The following MEGF8 variants were observed in gnomAD, a reference collection of about 807,000 sequenced individuals.
The protein encoded by MEGF8 is multiple EGF like domains 8, also known as multiple epidermal growth factor-like domains protein 8.
In MEGF8, 156 loss-of-function variants were observed where a neutral mutation model predicts 302.9. The ratio of observed to expected loss-of-function variants is 0.52; its 90% CI spans 0.45 to 0.59. The LOEUF (loss-of-function observed/expected upper bound fraction) is 0.59, where lower values mean the gene tolerates loss of function less well. Among genes scored for constraint, MEGF8 ranks in the 20% least tolerant of loss-of-function variants. MEGF8 has a pLI of 0.00. For missense variants in MEGF8, 3,345 were observed against 3,964.5 expected, an observed-to-expected ratio of 0.84 and a Z score of 4.20; for synonymous variants, 1,621 against 1,660.5, an observed-to-expected ratio of 0.98 and a Z score of 0.58.
chr19:42,347,049 TCA>T (rs1228548894), intron 12 of MEGF8, among the ~76,000 whole-genome samples: 1 of 150,616 alleles, frequency 6.6e-6, no homozygotes, highest in East Asian at 1.9e-4. Flanking sequence ...ACAGTCTCTC[TCA>T]TTTACCCCAC....
At position 42,375,536 on chromosome 19, in the gene MEGF8, G is replaced by T; in HGVS notation, c.7299G>T (p.Gly2433=). ...QCAKCRESFH[G]SPLGGQQCYR... is the part of the protein sequence containing the mutation. ...CCAAGTGCCGGGAATCATTTCACGGGAGTCCGCTGGGCGGCCAGCAGTGCT... is the reference window on the plus strand; with the variant it reads ...CCAAGTGCCGGGAATCATTTCACGGTAGTCCGCTGGGCGGCCAGCAGTGCT... Residue 2433 remains glycine, a synonymous_variant, in exon 42 of 42, where the codon GGG becomes GGT. Coordinates refer to ENST00000251268, the MANE Select transcript of MEGF8 (RefSeq NM_001271938.2). The surrounding 1 kb of genome is among the most constrained non-coding windows in gnomAD (Gnocchi z 7.1). 1 of 1,590,644 alleles carries T rather than the reference G, an allele frequency of 6.3e-7. No individual in the cohort carries two copies. Among genetic ancestry groups the T allele is most frequent in the Non-Finnish European group, 8.6e-7 (1 of 1,169,506 alleles).
chr19:42,366,669 A>G (rs1279207618), intron 35 of MEGF8, among the ~76,000 whole-genome samples: 2 of 152,236 alleles, frequency 1.3e-5, no homozygotes, highest in African/African-American at 4.8e-5. Flanking sequence ...GAATGTCAGC[A>G]GATGAGCTAG....
chr19:42,348,030 G>A (rs2147470185), intron 12 of MEGF8, among the ~76,000 whole-genome samples: 1 of 152,308 alleles, frequency 6.6e-6, no homozygotes, highest in African/African-American at 2.4e-5. Context: ...ATGTGAGATG[G>A]AAATGGCTAG....
At chr19:42,374,968 G>C (rs1379735260) in intron 41 of MEGF8, among the ~76,000 whole-genome samples, 10 of 152,176 alleles carry the variant, frequency 6.6e-5, no homozygotes, top group Non-Finnish European at 1.5e-5. Context: ...CAGGCAGAGG[G>C]TCCGCCAGTG....
rs1354160342 is a variant in MEGF8 at position 42,332,567 on chromosome 19, C to T, written c.188-1038C>T. On this transcript the variant is annotated intron_variant, in intron 1 of 41. Transcript: ENST00000251268. ...ATTTTTAGTAGAGACGGGGTTTCGC[C>T]ATGTTGGCTAGGCTGGTCTCAAACT... Among the ~76,000 whole-genome samples the T allele has an allele frequency of 3.9e-5, 6 of 152,268 alleles. No individual in the cohort carries two copies. In the East Asian group the frequency reaches 1.2e-3, roughly 29 times the overall value.
Position 42,352,314 on chromosome 19 carries a change from G to A in MEGF8, c.3208G>A (p.Ala1070Thr), listed in dbSNP as rs772370974. 6 of 1,578,442 alleles carry A rather than the reference G, an allele frequency of 3.8e-6. No homozygotes were observed. Among genetic ancestry groups the A allele is most frequent in the African/African-American group, 2.7e-5 (2 of 74,310 alleles). ...GGCCCTCCCTGCCCGCTGGGCATACGCCCGCTGTCCTGACGTGGATGAGTG... is the reference window on the plus strand; with the variant it reads ...GGCCCTCCCTGCCCGCTGGGCATACACCCGCTGTCCTGACGTGGATGAGTG... ...PVALPARWAYARCPDVDECRL... is the reference protein window; with the variant it reads ...PVALPARWAYTRCPDVDECRL... The change falls in exon 19 of 42, where the codon GCC (alanine) becomes ACC (threonine). Residue 1070 changes from alanine to threonine, a missense_variant. Transcript: ENST00000251268. The surrounding 1 kb of genome is among the most constrained non-coding windows in gnomAD (Gnocchi z 4.4).
In MEGF8 at chr19:42,356,155, C is replaced by T. The variant is rs753676279; in HGVS notation, c.4465C>T (p.Leu1489=). 4 of 1,565,096 alleles carry T rather than the reference C, an allele frequency of 2.6e-6. No individual in the cohort carries two copies. Among genetic ancestry groups the T allele is most frequent in the Non-Finnish European group, 2.6e-6 (3 of 1,154,102 alleles). The change falls in exon 25 of 42, where the codon CTG becomes TTG. Residue 1489 remains leucine (L), a synonymous_variant. Coordinates refer to ENST00000251268, the MANE Select transcript of MEGF8 (RefSeq NM_001271938.2). This position sits in a 1 kb window ranked among gnomAD's most constrained non-coding sequence, Gnocchi z 5.2. ...DCATKLDGGQ[L]VWETLMDSRL... ...CGCCACCAAGCTGGATGGCGGGCAG[C>T]TGGTCTGGGAGACCCTCATGGACAG...
chr19:42,348,494 A>G (rs1264024825), intron 13 of MEGF8, 22 bp downstream of exon 13: 12 of 1,497,474 alleles, frequency 8.0e-6, no homozygotes, highest in Non-Finnish European at 1.1e-5. Context: ...TGGGACATTC[A>G]GGGGGTTGTT....
rs370364807 is a variant in MEGF8 at position 42,370,329 on chromosome 19, G to C, written c.6975G>C (p.Glu2325Asp). Residue 2325 changes from glutamate to aspartate, a missense_variant, in exon 39 of 42, where the codon GAG becomes GAC. Physicochemically the swap from Glu to Asp is conservative, Grantham distance 45 (BLOSUM62 2). Coordinates refer to ENST00000251268, the MANE Select transcript of MEGF8 (RefSeq NM_001271938.2). ...AGGAGTTACAAATGTCCAAGGGAGA[G>C]CCAAAGAAGTACTCACTGGACCCAG... ...SRKELQMSKG[E>D]PKKYSLDPEE... 1 of 1,599,328 alleles carries C rather than the reference G, an allele frequency of 6.3e-7. No individual in the cohort carries two copies. Among genetic ancestry groups the C allele is most frequent in the Non-Finnish European group, 8.5e-7 (1 of 1,172,638 alleles).
Position 42,336,255 on chromosome 19 carries a change from C to A in MEGF8, c.1153C>A (p.Arg385=). The part of the protein sequence containing the change: ...YWEQVIPAGG[R]PPAATGHSMV... ...GGAGCAGGTGATTCCGGCAGGCGGA[C>A]GGCCCCCTGCTGCCACTGGCCACTC... Residue 385 remains arginine, a synonymous_variant, in exon 6 of 42, where the codon CGG becomes AGG. Coordinates refer to ENST00000251268, the MANE Select transcript of MEGF8 (RefSeq NM_001271938.2). The surrounding 1 kb of genome is among the most constrained non-coding windows in gnomAD (Gnocchi z 4.8). 6.2e-7 allele frequency: 1 copy of A among 1,606,452 alleles called. No homozygotes were observed. The highest frequency in any genetic ancestry group is 8.5e-7 in the Non-Finnish European group (1 of 1,179,698).
intron 31 of MEGF8, among the ~76,000 whole-genome samples, chr19:42,360,223 G>C (rs965800771): frequency 5.3e-5 from 8 of 149,604 alleles, no homozygotes; most frequent in Non-Finnish European, 1.0e-4. Flanking sequence ...TATCTGGTTC[G>C]AAAACATTTG....
Position 42,353,060 on chromosome 19 carries a change from G to A in MEGF8, c.3483G>A (p.Arg1161=), listed in dbSNP as rs1325158046. Residue 1161 remains arginine (R), a synonymous_variant, in exon 20 of 42, where the codon CGG becomes CGA. Coordinates refer to ENST00000251268, the MANE Select transcript of MEGF8 (RefSeq NM_001271938.2). The surrounding 1 kb of genome is among the most constrained non-coding windows in gnomAD (Gnocchi z 6.1). ...APGPPAPRCS[R]DCGCSFHSHC... The stretch of plus-strand genomic sequence containing the variant: ...GTCCGCCAGCCCCCCGCTGCTCCCG[G>A]GACTGTGGCTGCAGCTTCCACAGCC... The A allele has an allele frequency of 6.4e-7, 1 of 1,551,004 alleles. No individual in the cohort carries two copies. The highest frequency in any genetic ancestry group is 2.4e-5 in the East Asian group (1 of 40,970).
At chr19:42,332,200 GCAGT>G (rs2039064299) in intron 1 of MEGF8, among the ~76,000 whole-genome samples, 2 of 152,144 alleles carry the variant, frequency 1.3e-5, no homozygotes, top group African/African-American at 2.4e-5. Context: ...TCATGAGGTT[GCAGT>G]CAGATGTCAG....
rs534194675 is a variant in MEGF8, at chr19:42,353,506, A to G, written c.3592A>G (p.Ser1198Gly). The G allele has an allele frequency of 6.2e-7, 1 of 1,610,644 alleles. No individual in the cohort carries two copies. Among genetic ancestry groups the G allele is most frequent in the African/African-American group, 1.3e-5 (1 of 74,902 alleles). ...GEHCERCRPG[S>G]FGNATGSRGC... ...GCACTGCGAACGATGCCGGCCCGGC[A>G]GCTTCGGCAACGCCACAGGCTCTAG... The change falls in exon 21 of 42, where the codon AGC (serine) becomes GGC (glycine). Residue 1198 changes from serine to glycine, a missense_variant. Transcript: ENST00000251268. This position sits in a 1 kb window ranked among gnomAD's most constrained non-coding sequence, Gnocchi z 6.1.
Position 42,363,127 on chromosome 19 carries a change from C to T in MEGF8, c.6138C>T (p.Pro2046=), listed in dbSNP as rs148286629. ...GCCACTCTCTGCTGAATGTGTCCCC[C>T]ATGCCGGTGGAATCATCACCCCCAC... The part of the protein sequence containing the change: ...CFSHSLLNVS[P]MPVESSPPLP... Residue 2046 remains proline, a synonymous_variant, in exon 35 of 42, where the codon CCC becomes CCT. Transcript: ENST00000251268. 6.2e-6 allele frequency: 10 copies of T among 1,613,096 alleles called. No homozygotes were observed. Among genetic ancestry groups the T allele is most frequent in the Non-Finnish European group, 8.5e-6 (10 of 1,179,600 alleles).
At chr19:42,360,534 G>A (rs367854109) in intron 31 of MEGF8, among the ~76,000 whole-genome samples, 26 of 151,632 alleles carry the variant, frequency 1.7e-4, no homozygotes, top group Admixed American at 1.4e-3. Flanking sequence ...TTGTAGAGAC[G>A]GGGTCTTTCT....
At position 42,335,802 on chromosome 19, in the gene MEGF8, C is replaced by T. The variant is rs930065916; in HGVS notation, c.829-129C>T. ...TCTTTTCTCTCTCTGCCGGTCTCTG[C>T]CTTTCTCTTTGTCTCTGTCTTTATC... On this transcript the variant is annotated intron_variant, in intron 5 of 41. Coordinates refer to ENST00000251268, the MANE Select transcript of MEGF8 (RefSeq NM_001271938.2). The T allele has an allele frequency of 1.5e-5, 13 of 851,540 alleles. No homozygotes were observed. In the African/African-American group the frequency reaches 2.2e-4, roughly 15 times the overall value. 52.7% of individuals were successfully genotyped at this position (851,540 alleles called of 1,614,324 possible). A position where few individuals can be genotyped will look rare whatever the true frequency, so the allele number is the denominator to read the frequency against.
At chr19:42,359,069 T>C (rs754405350) in intron 30 of MEGF8, 29 bp from the exon 31 acceptor site, 4 of 1,518,510 alleles carry the variant, frequency 2.6e-6, no homozygotes, top group African/African-American at 1.4e-5. Flanking sequence ...CAGGCTGTCC[T>C]GTCCCCCCAC....
chr19:42,354,570 G>T lies in MEGF8; in HGVS notation c.4012-18G>T. ...TCATCCTCATTGTCTCCTAATCCTCGATTCTGCACCCCTCTAGCTGAGCTA... is the reference window on the plus strand; with the variant it reads ...TCATCCTCATTGTCTCCTAATCCTCTATTCTGCACCCCTCTAGCTGAGCTA... On this transcript the variant is annotated intron_variant, in intron 22 of 41. Coordinates refer to ENST00000251268, the MANE Select transcript of MEGF8 (RefSeq NM_001271938.2). The surrounding 1 kb of genome is among the most constrained non-coding windows in gnomAD (Gnocchi z 4.3). 1.9e-6 allele frequency: 3 copies of T among 1,601,504 alleles called. No homozygotes were observed. Among genetic ancestry groups the T allele is most frequent in the South Asian group, 1.1e-5 (1 of 90,530 alleles).
Sources: gnomAD v4.1 joint callset for allele counts (sites outside exome capture counted in the v4.1 genomes callset) on GRCh38, gnomAD v4.1.1 for gene constraint, Gnocchi (gnomAD v3.1) non-coding constraint, MANE v1.5 for transcripts, NCBI Gene and HGNC (gene_info 2026-07-23, HGNC 2026-07-21) for gene names.